OTOP1: variants seen among roughly 807,000 people sequenced by gnomAD.
OTOP1 encodes otopetrin 1.
In OTOP1, 59 loss-of-function variants were observed where a neutral mutation model predicts 52.9. That is an observed-to-expected ratio of 1.12 (90% CI 0.91 to 1.39). The LOEUF (loss-of-function observed/expected upper bound fraction) is 1.39, where lower values mean the gene tolerates loss of function less well. Ranked by LOEUF, OTOP1 falls within the 40% of genes most tolerant of loss-of-function variation. The pLI is 0.00. For missense variants in OTOP1, 761 were observed against 800.9 expected, an observed-to-expected ratio of 0.95 and a Z score of 0.60; for synonymous variants, 317 against 337.7, an observed-to-expected ratio of 0.94 and a Z score of 0.67.
intron 1 of OTOP1, among the ~76,000 whole-genome samples, chr4:4,216,342 G>A (rs996325242): frequency 6.6e-6 from 1 of 152,202 alleles, no homozygotes; most frequent in South Asian, 2.1e-4. Context: ...AAAAGGCAGT[G>A]ATCACGAGGA....
In OTOP1 at chr4:4,197,719, T is replaced by C. The variant is rs759434551; in HGVS notation, c.1115A>G (p.Tyr372Cys). The change falls in exon 5 of 6, where the codon TAC becomes TGC. Residue 372 changes from tyrosine to cysteine, a missense_variant. Physicochemically the swap from Tyr to Cys is radical, Grantham distance 194. Transcript: ENST00000296358. ...GAAGLAGIRI[Y>C]RIDEKSLDES... Reference sequence around the variant, plus strand: ...ATCCAGTGACTTCTCGTCTATCCTGTAAATCCGGATTCCAGCCAGCCCCGC... The same window carrying C: ...ATCCAGTGACTTCTCGTCTATCCTGCAAATCCGGATTCCAGCCAGCCCCGC... 1.9e-6 allele frequency: 3 copies of C among 1,613,904 alleles called. No homozygotes were observed. Among genetic ancestry groups the C allele is most frequent in the Non-Finnish European group, 1.7e-6 (2 of 1,179,992 alleles).
In OTOP1 at chr4:4,197,514, G is replaced by C. The variant is rs1319739454; in HGVS notation, c.1320C>G (p.Asn440Lys). The C allele has an allele frequency of 6.2e-7, 1 of 1,613,946 alleles. No individual in the cohort carries two copies. The highest frequency in any genetic ancestry group is 1.7e-5 in the Admixed American group (1 of 59,990). The change falls in exon 5 of 6, where the codon AAC (asparagine) becomes AAG (lysine). Residue 440 changes from asparagine (N) to lysine (K), a missense_variant. Coordinates refer to ENST00000296358, the MANE Select transcript of OTOP1 (RefSeq NM_177998.3). Reference sequence around the variant, plus strand: ...GGTGAATGGATTCAAAGATGAAGAGGTTCTGGATGTACTTCTCCACGATCG... The same window carrying C: ...GGTGAATGGATTCAAAGATGAAGAGCTTCTGGATGTACTTCTCCACGATCG... ...ILAIVEKYIQ[N>K]LFIFESIHRE...
Position 4,226,726 on chromosome 4 carries a change from C to T in OTOP1, c.139G>A (p.Gly47Ser), listed in dbSNP as rs1280835750. The T allele has an allele frequency of 7.1e-7, 1 of 1,404,486 alleles. No homozygotes were observed. The highest frequency in any genetic ancestry group is 1.6e-5 in the South Asian group (1 of 64,024). 87.0% of individuals were successfully genotyped at this position (1,404,486 alleles called of 1,614,324 possible). ...TGTGGGACGCTGGCGCGCACACCGCCCCGCCGGGGGGCCGGGGATTCCGGG... is the reference window on the plus strand; with the variant it reads ...TGTGGGACGCTGGCGCGCACACCGCTCCGCCGGGGGGCCGGGGATTCCGGG... ...RSPESPAPRRGGVRASVPQKL... is the reference protein window; with the variant it reads ...RSPESPAPRRSGVRASVPQKL... The change falls in exon 1 of 6, where the codon GGC (glycine) becomes AGC (serine). Residue 47 changes from glycine (G) to serine (S), a missense_variant. Gly to Ser is a moderately conservative substitution (Grantham distance 56). Transcript: ENST00000296358.
At chr4:4,219,834 T>G (rs1560211272) in intron 1 of OTOP1, among the ~76,000 whole-genome samples, 1 of 106,210 alleles carries the variant, frequency 9.4e-6, no homozygotes, top group African/African-American at 2.8e-5. Flanking sequence ...CATATGTGTA[T>G]ACATATATAT....
intron 1 of OTOP1, among the ~76,000 whole-genome samples, chr4:4,216,912 G>A (rs1024205786): frequency 6.6e-6 from 1 of 152,208 alleles, no homozygotes; most frequent in Non-Finnish European, 1.5e-5. Context: ...ATCAGCTGCA[G>A]TGCTTGTTAA....
At chr4:4,221,812 C>T (rs570249334) in intron 1 of OTOP1, among the ~76,000 whole-genome samples, 1 of 152,302 alleles carries the variant, frequency 6.6e-6, no homozygotes, top group East Asian at 1.9e-4. Context: ...GACGGGGTTT[C>T]ACCATGTTGG....
intron 1 of OTOP1, among the ~76,000 whole-genome samples, chr4:4,223,404 C>T (rs888019681): frequency 1.7e-4 from 20 of 121,182 alleles, no homozygotes; most frequent in South Asian, 6.1e-4. Context: ...GATGGATGGA[C>T]GGACAGATGG....
chr4:4,217,947 ATAGATAAT>A (rs1333477067), intron 1 of OTOP1, among the ~76,000 whole-genome samples: 1 of 152,158 alleles, frequency 6.6e-6, no homozygotes, highest in Non-Finnish European at 1.5e-5. Context: ...ACAGATGGAG[ATAGATAAT>A]TAGATTAATA....
At chr4:4,218,578 G>A (rs1167965123) in intron 1 of OTOP1, among the ~76,000 whole-genome samples, 2 of 152,060 alleles carry the variant, frequency 1.3e-5, no homozygotes, top group Non-Finnish European at 2.9e-5. Context: ...TCTTGGAGTG[G>A]GACACAGTGT....
intron 1 of OTOP1, among the ~76,000 whole-genome samples, chr4:4,220,018 CATGTATAT>C (rs1347174562): frequency 8.3e-5 from 9 of 108,314 alleles, no homozygotes; most frequent in Non-Finnish European, 1.6e-4. Context: ...TATGTATATA[CATGTATAT>C]ACGTATATAT....
intron 1 of OTOP1, among the ~76,000 whole-genome samples, 178 bp downstream of exon 1, chr4:4,226,284 T>A: frequency 8.6e-6 from 1 of 115,646 alleles, no homozygotes; most frequent in Non-Finnish European, 1.7e-5. Flanking sequence ...CGACCCAAGC[T>A]TCAGAGAGAG....
At chr4:4,221,818 G>C (rs1717307623) in intron 1 of OTOP1, among the ~76,000 whole-genome samples, 1 of 152,212 alleles carries the variant, frequency 6.6e-6, no homozygotes, top group South Asian at 2.1e-4. Context: ...GTTTCACCAT[G>C]TTGGCCAGGC....
intron 1 of OTOP1, among the ~76,000 whole-genome samples, chr4:4,219,019 T>C (rs1006606473): frequency 6.6e-6 from 1 of 151,554 alleles, no homozygotes; most frequent in Non-Finnish European, 1.5e-5. Context: ...TCACAATAAA[T>C]TTTTCAAATG....
intron 5 of OTOP1, among the ~76,000 whole-genome samples, chr4:4,189,706 T>G (rs542109897): frequency 2.3e-4 from 35 of 152,336 alleles, no homozygotes; most frequent in African/African-American, 8.4e-4. Flanking sequence ...CATCTTCTCC[T>G]GTAAGACAGG....
intron 1 of OTOP1, among the ~76,000 whole-genome samples, chr4:4,217,384 T>G (rs1717176522): frequency 1.3e-5 from 2 of 152,182 alleles, no homozygotes; most frequent in South Asian, 4.1e-4. Context: ...CAGAAGACAG[T>G]GGAGGAATGT....
At position 4,197,812 on chromosome 4, in the gene OTOP1, G is replaced by A; in HGVS notation, c.1022C>T (p.Thr341Ile). The part of the protein sequence containing the change: ...VYLIHIGRSK[T>I]KSESALIMFY... ...CATGATGAGTGCCGACTCGCTCTTG[G>A]TCTTGGAGCGCCCAATATGAATCAG... is the stretch of plus-strand genomic sequence containing the variant. The change falls in exon 5 of 6, where the codon ACC becomes ATC. Residue 341 changes from threonine to isoleucine, a missense_variant. This residue lies in a region of OTOP1 where 632 missense variants were observed against 619.5 expected (regional missense o/e 1.02). Coordinates refer to ENST00000296358, the MANE Select transcript of OTOP1 (RefSeq NM_177998.3). 6.2e-7 allele frequency: 1 copy of A among 1,614,036 alleles called. No homozygotes were observed. The highest frequency in any genetic ancestry group is 8.5e-7 in the Non-Finnish European group (1 of 1,180,018).
Position 4,188,822 on chromosome 4 carries a change from T to A in OTOP1, c.1820A>T (p.Glu607Val), listed in dbSNP as rs144725579. 2.5e-6 allele frequency: 4 copies of A among 1,613,438 alleles called. No individual in the cohort carries two copies. Among genetic ancestry groups the A allele is most frequent in the Non-Finnish European group, 3.4e-6 (4 of 1,179,628 alleles). The change falls in exon 6 of 6, where the codon GAG becomes GTG. Residue 607 changes from glutamate (E) to valine (V), a missense_variant. Physicochemically the swap from Glu to Val is moderately radical, Grantham distance 121. Around this residue, in one of 3 missense-constraint regions of OTOP1, gnomAD observed 632 missense variants for 619.5 expected, o/e 1.02. Transcript: ENST00000296358. Reference sequence around the variant, plus strand: ...CCCAGACTATATCTTACAATAGACCTCAAAGAGGGAGGCAGCTGCGTGCAT... The same window carrying A: ...CCCAGACTATATCTTACAATAGACCACAAAGAGGGAGGCAGCTGCGTGCAT... ...YRMHAAASLF[E>V]VYCKI is the part of the protein sequence containing the mutation.
chr4:4,207,601 A>G (rs981587887), intron 2 of OTOP1, among the ~76,000 whole-genome samples: 28 of 150,508 alleles, frequency 1.9e-4, no homozygotes, highest in South Asian at 1.7e-3. Context: ...CTGGGTATAT[A>G]TATATATATA....
In OTOP1 at chr4:4,202,526, C is replaced by T. The variant is rs116668089; in HGVS notation, c.652G>A (p.Val218Ile). 788 of 1,614,070 alleles carry T rather than the reference C, an allele frequency of 4.9e-4. No homozygotes were observed. Among genetic ancestry groups the T allele is most frequent in the Non-Finnish European group, 6.1e-4 (717 of 1,179,962 alleles). ...FTNLLLWANG[V>I]LNESKHQLNE... ...AGTTGGTGCTTTGACTCATTGAGGA[C>T]GCCATTGGCCCACAGAAGCAGGTTG... The change falls in exon 4 of 6, where the codon GTC becomes ATC. Residue 218 changes from valine (V) to isoleucine (I), a missense_variant. Physicochemically the swap from Val to Ile is conservative, Grantham distance 29. Coordinates refer to ENST00000296358, the MANE Select transcript of OTOP1 (RefSeq NM_177998.3).
Sources: gnomAD v4.1 joint callset for allele counts (sites outside exome capture counted in the v4.1 genomes callset) on GRCh38, gnomAD v4.1.1 for gene constraint, gnomAD v4.1.1 regional missense constraint, MANE v1.5 for transcripts, NCBI Gene and HGNC (gene_info 2026-07-23, HGNC 2026-07-21) for gene names.